KCNQ1OT1: variants seen among roughly 807,000 people sequenced by gnomAD.
KCNQ1OT1 encodes KCNQ1 opposite strand/antisense transcript 1, also known as KCNQ1 antisense RNA 2 (non-protein coding).
exon 1 of KCNQ1OT1, chr11:2,634,382 A>G (rs1451900342): frequency 2.0e-5 from 4 of 201,720 alleles, no homozygotes; most frequent in African/African-American, 3.0e-5. Flanking sequence ...CCTACGTCCA[A>G]GTGTTCTCAT....
At position 2,628,587 on chromosome 11, in the gene KCNQ1OT1, G is replaced by A. The variant is rs72850246; in HGVS notation, n.71408C>T. 3.3e-3 allele frequency: 1,297 copies of A among 398,392 alleles called. 5 individuals carry two copies. Among genetic ancestry groups the A allele is most frequent in the Non-Finnish European group, 4.4e-3 (984 of 225,990 alleles). The allele number at this position is 398,392 out of a possible 1,614,324, so 24.7% of individuals were successfully genotyped here. On this transcript the variant is annotated non_coding_transcript_exon_variant, in exon 1 of 1. Transcript: ENST00000597346. Reference sequence around the variant, plus strand: ...TTGGAAATATTTTCTCCCGCTACATGTGCTGCCTTTTCATTTTGTTGTTTC... The same window carrying A: ...TTGGAAATATTTTCTCCCGCTACATATGCTGCCTTTTCATTTTGTTGTTTC...
chr11:2,641,353 T>C (rs940868156), exon 1 of KCNQ1OT1: 12 of 398,354 alleles, frequency 3.0e-5, no homozygotes, highest in Admixed American at 4.4e-5. Flanking sequence ...ATTCTCACTA[T>C]GGTTTTGGCT....
chr11:2,673,865 A>G lies in KCNQ1OT1; in HGVS notation n.26130T>C. The G allele has an allele frequency of 2.5e-6, 1 of 398,582 alleles. No homozygotes were observed. Among genetic ancestry groups the G allele is most frequent in the Non-Finnish European group, 4.4e-6 (1 of 226,142 alleles). The allele number at this position is 398,582 out of a possible 1,614,324, so 24.7% of individuals were successfully genotyped here. ...GAGTCAAGGTTGGATATGAAGAGGG[A>G]CTTCCTGAAAGCAGGCACAGGAAGG... On this transcript the variant is annotated non_coding_transcript_exon_variant, in exon 1 of 1. Transcript: ENST00000597346. The surrounding 1 kb of genome is among the most constrained non-coding windows in gnomAD (Gnocchi z 4.5).
chr11:2,671,033 G>C lies in KCNQ1OT1; in HGVS notation n.28962C>G. 1 of 398,692 alleles carries C rather than the reference G, an allele frequency of 2.5e-6. No individual in the cohort carries two copies. Among genetic ancestry groups the C allele is most frequent in the Non-Finnish European group, 4.4e-6 (1 of 226,102 alleles). 24.7% of individuals were successfully genotyped at this position (398,692 alleles called of 1,614,324 possible). On this transcript the variant is annotated non_coding_transcript_exon_variant, in exon 1 of 1. Transcript: ENST00000597346. The surrounding 1 kb of genome is among the most constrained non-coding windows in gnomAD (Gnocchi z 4.7). Reference sequence around the variant, plus strand: ...GTTAGGGACAACGTAGGTGTCCTGGGCAGGGGCTGTATCTGAGGCACACAT... The same window carrying C: ...GTTAGGGACAACGTAGGTGTCCTGGCCAGGGGCTGTATCTGAGGCACACAT...
chr11:2,649,538 A>C, exon 1 of KCNQ1OT1: 1 of 398,460 alleles, frequency 2.5e-6, no homozygotes, highest in South Asian at 1.3e-4. Context: ...ATTCTGCTTC[A>C]TTTCTGAAGG....
exon 1 of KCNQ1OT1, chr11:2,697,075 C>T: frequency 2.5e-6 from 1 of 398,502 alleles, no homozygotes; most frequent in Non-Finnish European, 4.4e-6. Context: ...CATAATAATA[C>T]TCGACATTAT....
In KCNQ1OT1 at chr11:2,626,400, C is replaced by T. The variant is rs562682351; in HGVS notation, n.73595G>A. The T allele has an allele frequency of 7.5e-6, 3 of 398,576 alleles. No homozygotes were observed. The highest frequency in any genetic ancestry group is 4.4e-5 in the Admixed American group (1 of 22,728). The allele number at this position is 398,576 out of a possible 1,614,324, so 24.7% of individuals were successfully genotyped here. ...CACTTTCCCTATTGAATGGTCTTGG[C>T]ACTCTTCTCAGGAATCATTTGATCA... On this transcript the variant is annotated non_coding_transcript_exon_variant, in exon 1 of 1. Transcript: ENST00000597346. This position sits in a 1 kb window ranked among gnomAD's most constrained non-coding sequence, Gnocchi z 4.0.
chr11:2,648,121 C>T, exon 1 of KCNQ1OT1: 1 of 293,872 alleles, frequency 3.4e-6, no homozygotes, highest in East Asian at 4.9e-5. Flanking sequence ...AGGAGGATTG[C>T]TTGAGCCCAG....
Position 2,683,394 on chromosome 11 carries a change from G to T in KCNQ1OT1, n.16601C>A. The T allele has an allele frequency of 2.5e-6, 1 of 398,608 alleles. No individual in the cohort carries two copies. The highest frequency in any genetic ancestry group is 4.4e-6 in the Non-Finnish European group (1 of 226,066). The allele number at this position is 398,608 out of a possible 1,614,324, so 24.7% of individuals were successfully genotyped here. A position where few individuals can be genotyped will look rare whatever the true frequency, so the allele number is the denominator to read the frequency against. The stretch of plus-strand genomic sequence containing the variant: ...AATGCAGGTTCCTGGGGCTCTGGGT[G>T]GTTTGTCCAATGGCTAAGCTTTCCC... On this transcript the variant is annotated non_coding_transcript_exon_variant, in exon 1 of 1. Transcript: ENST00000597346. This position sits in a 1 kb window ranked among gnomAD's most constrained non-coding sequence, Gnocchi z 4.7.
chr11:2,676,295 C>T lies in KCNQ1OT1; in HGVS notation n.23700G>A, dbSNP rs1194157892. The T allele has an allele frequency of 7.5e-6, 3 of 398,508 alleles. No homozygotes were observed. The highest frequency in any genetic ancestry group is 6.2e-5 in the African/African-American group (3 of 48,628). The allele number at this position is 398,508 out of a possible 1,614,324, so 24.7% of individuals were successfully genotyped here. ...ATGTGTGTTTACATGTATACAGACACACGTGTGAACAGGTGATGGCTCTGA... is the reference window on the plus strand; with the variant it reads ...ATGTGTGTTTACATGTATACAGACATACGTGTGAACAGGTGATGGCTCTGA... On this transcript the variant is annotated non_coding_transcript_exon_variant, in exon 1 of 1. Transcript: ENST00000597346. This position sits in a 1 kb window ranked among gnomAD's most constrained non-coding sequence, Gnocchi z 4.2.
chr11:2,632,402 T>C (rs528128058), exon 1 of KCNQ1OT1: 3 of 398,446 alleles, frequency 7.5e-6, no homozygotes, highest in African/African-American at 4.1e-5. Flanking sequence ...ACTACTATGT[T>C]TAATATAATG....
At chr11:2,699,356 G>A (rs1185236434) in exon 1 of KCNQ1OT1, 3 of 399,166 alleles carry the variant, frequency 7.5e-6, no homozygotes, top group Non-Finnish European at 1.3e-5. Flanking sequence ...CACCCGTCCC[G>A]CGCCGTCCGC....
chr11:2,618,441 G>A (rs1365446346), exon 1 of KCNQ1OT1: 9 of 398,464 alleles, frequency 2.3e-5, no homozygotes, highest in East Asian at 3.6e-5. Context: ...GTTTCCTAAC[G>A]TCATTTATGA....
At position 2,679,597 on chromosome 11, in the gene KCNQ1OT1, G is replaced by T. The variant is rs1021869116; in HGVS notation, n.20398C>A. ...TCACAGTGCCTGACAAAGCTGATGG[G>T]GAGGCGAGTTGGAATGAATAGTATC... On this transcript the variant is annotated non_coding_transcript_exon_variant, in exon 1 of 1. Coordinates refer to ENST00000597346, the Ensembl canonical transcript of KCNQ1OT1. This position sits in a 1 kb window ranked among gnomAD's most constrained non-coding sequence, Gnocchi z 4.8. 1 of 398,558 alleles carries T rather than the reference G, an allele frequency of 2.5e-6. No homozygotes were observed. Among genetic ancestry groups the T allele is most frequent in the Middle Eastern group, 6.3e-4 (1 of 1,588 alleles). The allele number at this position is 398,558 out of a possible 1,614,324, so 24.7% of individuals were successfully genotyped here.
At chr11:2,619,589 G>A in exon 1 of KCNQ1OT1, 1 of 398,364 alleles carries the variant, frequency 2.5e-6, no homozygotes, top group South Asian at 1.3e-4. Flanking sequence ...AAGGATTTTT[G>A]CATCGGTATT....
rs1459306960 is a variant in KCNQ1OT1 at position 2,617,335 on chromosome 11, C to T, written n.82660G>A. On this transcript the variant is annotated non_coding_transcript_exon_variant, in exon 1 of 1. Coordinates refer to ENST00000597346, the Ensembl canonical transcript of KCNQ1OT1. This position sits in a 1 kb window ranked among gnomAD's most constrained non-coding sequence, Gnocchi z 4.6. ...ATAGGTGAGATTATTTAAAACTTTT[C>T]ATTTGTATATGGCTTATTTAACTTA... is the stretch of plus-strand genomic sequence containing the variant. 1 of 398,096 alleles carries T rather than the reference C, an allele frequency of 2.5e-6. No homozygotes were observed. The highest frequency in any genetic ancestry group is 4.4e-5 in the Admixed American group (1 of 22,688). 24.7% of individuals were successfully genotyped at this position (398,096 alleles called of 1,614,324 possible).
At chr11:2,694,589 T>C (rs1457154559) in exon 1 of KCNQ1OT1, 1 of 398,504 alleles carries the variant, frequency 2.5e-6, no homozygotes. Context: ...CACACTTTCC[T>C]GGCCTGGCCT....
chr11:2,631,142 G>A, exon 1 of KCNQ1OT1: 2 of 398,544 alleles, frequency 5.0e-6, no homozygotes, highest in Middle Eastern at 1.3e-3. Context: ...CCAGATATGG[G>A]AAGTTTTCAG....
chr11:2,697,865 GC>G, exon 1 of KCNQ1OT1: 2 of 398,472 alleles, frequency 5.0e-6, no homozygotes, highest in South Asian at 2.5e-4. Context: ...GCTCTGATTC[GC>G]AATTTTAAAA....
Sources: gnomAD v4.1 joint callset for allele counts on GRCh38, gnomAD v4.1.1 for gene constraint, Gnocchi (gnomAD v3.1) non-coding constraint, MANE v1.5 for transcripts, NCBI Gene and HGNC (gene_info 2026-07-23, HGNC 2026-07-21) for gene names.